CREB5: variants seen among roughly 807,000 people sequenced by gnomAD.
CREB5 encodes the protein cyclic AMP-responsive element-binding protein 5.
In CREB5, 19 loss-of-function variants were observed where a neutral mutation model predicts 57.1. The ratio of observed to expected loss-of-function variants is 0.33; its 90% confidence interval spans 0.23 to 0.49. The LOEUF (loss-of-function observed/expected upper bound fraction) is 0.49. CREB5 is among the 20% of genes least tolerant of loss of function. The probability of loss-of-function intolerance (pLI) is 0.99; values close to 1 mark genes in which losing one functional copy is unlikely to be tolerated. For missense variants in CREB5, 579 were observed against 671.6 expected (o/e 0.86, Z 1.52); for synonymous variants, 238 against 238.3 (o/e 1.00, Z 0.01).
chr7:28,532,582 C>T (rs949635957), intron 4 of CREB5, among the ~76,000 whole-genome samples: 8 of 152,034 alleles, frequency 5.3e-5, no homozygotes, highest in African/African-American at 1.5e-4. Context: ...TCTCGTGGAT[C>T]GGAAGGTTTT....
At chr7:28,531,001 T>A (rs1374500332) in intron 4 of CREB5, among the ~76,000 whole-genome samples, 1 of 152,188 alleles carries the variant, frequency 6.6e-6, no homozygotes. Context: ...ATTCTGAGTT[T>A]TTGCCAGTTT....
At chr7:28,460,922 T>C (rs549964821) in intron 1 of CREB5, among the ~76,000 whole-genome samples, 1 of 151,898 alleles carries the variant, frequency 6.6e-6, no homozygotes, top group Non-Finnish European at 1.5e-5. Flanking sequence ...TGGGGGGGCA[T>C]AGTGGCTTGT....
At chr7:28,373,968 A>G (rs997784405) in intron 1 of CREB5, among the ~76,000 whole-genome samples, 10 of 151,970 alleles carry the variant, frequency 6.6e-5, no homozygotes, top group African/African-American at 2.4e-4. Context: ...CCCGGCAGGG[A>G]CACACCAGTA....
intron 7 of CREB5, among the ~76,000 whole-genome samples, chr7:28,734,982 A>G (rs942927920): frequency 6.6e-6 from 1 of 152,142 alleles, no homozygotes; most frequent in African/African-American, 2.4e-5. Flanking sequence ...AATAGAGCAA[A>G]TTGTCCTTCC....
At chr7:28,407,083 CTT>C (rs1787597268) in intron 1 of CREB5, among the ~76,000 whole-genome samples, 1 of 151,612 alleles carries the variant, frequency 6.6e-6, no homozygotes, top group African/African-American at 2.4e-5. Flanking sequence ...GAGTTTCGCT[CTT>C]GTCACCCAGG....
intron 5 of CREB5, among the ~76,000 whole-genome samples, chr7:28,715,284 G>A (rs140546199): frequency 3.0e-3 from 452 of 152,240 alleles, no homozygotes; most frequent in African/African-American, 0.01. Flanking sequence ...CCCCGTTCCC[G>A]TTCATGACCC....
At chr7:28,541,223 A>G (rs10214979) in intron 4 of CREB5, among the ~76,000 whole-genome samples, 17,281 of 152,222 alleles carry the variant, frequency 0.11, 1,065 homozygotes, top group African/African-American at 0.15. Context: ...ATTTAGGGAA[A>G]TACACACAGG....
chr7:28,574,472 A>G (rs1341812700), intron 5 of CREB5, among the ~76,000 whole-genome samples: 1 of 152,210 alleles, frequency 6.6e-6, no homozygotes, highest in Non-Finnish European at 1.5e-5. Context: ...CGTTGAGTAG[A>G]TGGCTATAAT....
rs1177737612 is a variant in CREB5 at position 28,716,634 on chromosome 7, A to G, written c.465-2119A>G. Among the ~76,000 whole-genome samples the G allele has an allele frequency of 3.9e-5, 6 of 152,226 alleles. No homozygotes were observed. The East Asian group carries it at 1.2e-3, about 29-fold the overall frequency. On this transcript the variant is annotated intron_variant, in intron 5 of 10. Coordinates refer to ENST00000357727, the MANE Select transcript of CREB5 (RefSeq NM_182898.4). ...AACTGACCATTATTAAACATTATAT[A>G]TACACTTTGATATTCCACTATTTTC...
rs568608247 is a variant in CREB5 at position 28,823,761 on chromosome 7, A to G, written c.*4482A>G. The G allele has an allele frequency of 8.5e-5, 13 of 152,612 alleles. No homozygotes were observed. Among genetic ancestry groups the G allele is most frequent in the South Asian group, 6.2e-4 (3 of 4,830 alleles). The allele number at this position is 152,612 out of a possible 1,614,324, so 9.5% of individuals were successfully genotyped here. ...CCAATTTCCTAGAAAGCCTTGCACT[A>G]TTCAGCTCCCTTAGTGCTTTTTGTC... is the stretch of plus-strand genomic sequence containing the variant. On this transcript the variant is annotated 3_prime_UTR_variant, in exon 11 of 11. Coordinates refer to ENST00000357727, the MANE Select transcript of CREB5 (RefSeq NM_182898.4).
At chr7:28,800,037 T>A (rs754699604) in intron 7 of CREB5, among the ~76,000 whole-genome samples, 3 of 152,236 alleles carry the variant, frequency 2.0e-5, no homozygotes, top group Non-Finnish European at 4.4e-5. Flanking sequence ...GCTGTGTATT[T>A]AACACTGAGC....
intron 5 of CREB5, among the ~76,000 whole-genome samples, chr7:28,618,236 A>G (rs1289436043): frequency 6.6e-6 from 1 of 152,040 alleles, no homozygotes; most frequent in Admixed American, 6.5e-5. Context: ...TCTTTCTTAA[A>G]GACCATTAGA....
intron 2 of CREB5, chr7:28,491,187 G>T: frequency 1.0e-6 from 1 of 985,266 alleles, no homozygotes; most frequent in Non-Finnish European, 1.2e-6. Context: ...AGCCTGAGAA[G>T]GAAACAGTTT....
intron 1 of CREB5, among the ~76,000 whole-genome samples, chr7:28,343,817 C>A (rs1258783493): frequency 6.6e-6 from 1 of 152,180 alleles, no homozygotes; most frequent in Non-Finnish European, 1.5e-5. Context: ...CTGTTGCCAC[C>A]AACAGTGCAC....
intron 5 of CREB5, among the ~76,000 whole-genome samples, chr7:28,595,760 G>T (rs1796672419): frequency 6.6e-6 from 1 of 152,110 alleles, no homozygotes; most frequent in Admixed American, 6.5e-5. Context: ...GCAACTTTGG[G>T]AATAATTGAG....
intron 1 of CREB5, among the ~76,000 whole-genome samples, chr7:28,468,025 A>G (rs571572158): frequency 6.6e-6 from 1 of 152,200 alleles, no homozygotes; most frequent in African/African-American, 2.4e-5. Context: ...CCAAGAGCAG[A>G]TCCAGAACAC....
chr7:28,743,554 C>A (rs12700901), intron 7 of CREB5, among the ~76,000 whole-genome samples: 63,478 of 151,948 alleles, frequency 0.42, 13,604 homozygotes, highest in African/African-American at 0.48. Context: ...AGAAAGAAAA[C>A]GAAAAGCTTA....
chr7:28,487,340 G>C (rs989049503), intron 1 of CREB5, among the ~76,000 whole-genome samples: 11 of 152,228 alleles, frequency 7.2e-5, no homozygotes, highest in African/African-American at 2.4e-4. Context: ...GCATCCCAAA[G>C]TGCTGGGATT....
At chr7:28,384,122 T>C (rs927732732) in intron 1 of CREB5, among the ~76,000 whole-genome samples, 6 of 152,040 alleles carry the variant, frequency 3.9e-5, no homozygotes, top group African/African-American at 1.2e-4. Flanking sequence ...GGATGAAATA[T>C]CGTTTAAGGT....
Sources: gnomAD v4.1 joint callset for allele counts (sites outside exome capture counted in the v4.1 genomes callset) on GRCh38, gnomAD v4.1.1 for gene constraint, MANE v1.5 for transcripts, NCBI Gene and HGNC (gene_info 2026-07-23, HGNC 2026-07-21) for gene names.